Variants in PBX1 observed in about 807,000 individuals in gnomAD.
PBX1 encodes pre-B-cell leukemia transcription factor 1.
In PBX1, 6 loss-of-function variants were observed where a neutral mutation model predicts 53.4. That is an observed-to-expected ratio of 0.11 (90% confidence interval 0.06 to 0.22). The LOEUF (loss-of-function observed/expected upper bound fraction) is 0.22, where lower values mean the gene tolerates loss of function less well. Among genes scored for constraint, PBX1 ranks in the 10% least tolerant of loss-of-function variants. The pLI, the probability that PBX1 is intolerant of heterozygous loss-of-function variation, is 1.00. For missense variants in PBX1, 251 were observed against 551.4 expected, an observed-to-expected ratio of 0.46 and a Z score of 5.46; for synonymous variants, 204 against 212.3, an observed-to-expected ratio of 0.96 and a Z score of 0.34.
At chr1:164,594,707 A>G (rs1655640269) in intron 2 of PBX1, among the ~76,000 whole-genome samples, 1 of 152,278 alleles carries the variant, frequency 6.6e-6, no homozygotes, top group Non-Finnish European at 1.5e-5. Flanking sequence ...TACTATTTCA[A>G]CATGTAATCA....
At chr1:164,724,670 A>ATTTTTTTTTTTTTTT (rs59042806) in intron 2 of PBX1, among the ~76,000 whole-genome samples, 5 of 48,238 alleles carry the variant, frequency 1.0e-4, no homozygotes, top group East Asian at 5.2e-4. Flanking sequence ...ATAGCTGCAG[A>ATTTTTTTTTTTTTTT]TTTTTTTTTT....
At chr1:164,818,206 A>G (rs1411652233) in intron 6 of PBX1, 1 of 152,238 alleles carries the variant, frequency 6.6e-6, no homozygotes, top group Non-Finnish European at 1.5e-5. Context: ...ATATATCTAC[A>G]CGTGAGAATG....
At chr1:164,843,403 A>AG (rs893849261) in intron 8 of PBX1, among the ~76,000 whole-genome samples, 1 of 152,114 alleles carries the variant, frequency 6.6e-6, no homozygotes, top group African/African-American at 2.4e-5. Flanking sequence ...GGTGGCCAAA[A>AG]GTCTCATTTT....
chr1:164,713,933 T>TTCAAA (rs1663939765), intron 2 of PBX1, among the ~76,000 whole-genome samples: 5 of 152,190 alleles, frequency 3.3e-5, no homozygotes, highest in African/African-American at 1.2e-4. Flanking sequence ...CCATTTCTTC[T>TTCAAA]GTCATTTAGA....
chr1:164,659,966 C>G (rs1660386122), intron 2 of PBX1, among the ~76,000 whole-genome samples: 1 of 152,204 alleles, frequency 6.6e-6, no homozygotes, highest in Non-Finnish European at 1.5e-5. Context: ...CTGAGAGGCA[C>G]TGCCTATCTG....
intron 2 of PBX1, chr1:164,626,238 G>A (rs748217427): frequency 9.7e-6 from 4 of 411,248 alleles, no homozygotes; most frequent in Non-Finnish European, 1.3e-5. Flanking sequence ...GCAGAAATAC[G>A]GTATTTGGAA....
intron 2 of PBX1, among the ~76,000 whole-genome samples, chr1:164,662,157 C>A (rs889991365): frequency 1.3e-5 from 2 of 152,086 alleles, no homozygotes; most frequent in African/African-American, 4.8e-5. Context: ...AAATCCCTGT[C>A]TCTACTAAAA....
At chr1:164,771,233 C>T (rs1469323639) in intron 2 of PBX1, 2 of 151,998 alleles carry the variant, frequency 1.3e-5, no homozygotes, top group Non-Finnish European at 2.9e-5. Context: ...AGTTTTCTTG[C>T]AACAAAATGA....
At chr1:164,700,114 G>GCACC (rs1663032036) in intron 2 of PBX1, among the ~76,000 whole-genome samples, 2 of 152,224 alleles carry the variant, frequency 1.3e-5, no homozygotes, top group Non-Finnish European at 2.9e-5. Flanking sequence ...TACAGGGTGT[G>GCACC]CTTAACCCTT....
In PBX1 at chr1:164,784,031, T is replaced by A. The variant is rs144534335; in HGVS notation, c.266-8463T>A. ...CAAGTTGCCGACCAATGGCTCCACA[T>A]TTTTCATGCTTTTTATGTGTAACTA... On this transcript the variant is annotated intron_variant, in intron 2 of 8. Coordinates refer to ENST00000420696, the MANE Select transcript of PBX1 (RefSeq NM_002585.4). 2.6e-5 allele frequency among the ~76,000 whole-genome samples: 4 copies of A among 152,334 alleles called. No individual in the cohort carries two copies. In the East Asian group the frequency reaches 7.7e-4, roughly 29 times the overall value.
downstream of PBX1, among the ~76,000 whole-genome samples, chr1:164,853,182 G>A (rs1433887526): frequency 3.9e-5 from 6 of 152,200 alleles, no homozygotes; most frequent in Non-Finnish European, 5.9e-5. Flanking sequence ...GCCCACAGAA[G>A]GGAAAGGGTG....
rs116287494 is a variant in PBX1, at chr1:164,871,722, A to G, written n.258-27466A>G. On this transcript the variant is annotated intron_variant and non_coding_transcript_variant, in intron 2 of 2. Transcript: ENST00000558796. ...CTGTGAGGATAACTTGTACCCAAAG[A>G]GTGGTGAAGGTGGCCAAAGAACCTT... Among the ~76,000 whole-genome samples the G allele has an allele frequency of 5.2e-3, 798 of 152,238 alleles. 5 individuals carry two copies. Among genetic ancestry groups the G allele is most frequent in the African/African-American group, 0.018 (763 of 41,542 alleles).
At chr1:164,709,835 T>C (rs1387636165) in intron 2 of PBX1, among the ~76,000 whole-genome samples, 1 of 152,226 alleles carries the variant, frequency 6.6e-6, no homozygotes, top group Admixed American at 6.5e-5. Flanking sequence ...AATTTTCACT[T>C]GACAGTGAAA....
chr1:164,562,908 T>G (rs1653165204), intron 1 of PBX1: 1 of 164,578 alleles, frequency 6.1e-6, no homozygotes, highest in Non-Finnish European at 1.3e-5. Flanking sequence ...GGCTTTGCTG[T>G]GTTCATTGTC....
chr1:164,794,257 G>A (rs1160123040), intron 3 of PBX1, among the ~76,000 whole-genome samples: 3 of 151,996 alleles, frequency 2.0e-5, no homozygotes, highest in Admixed American at 6.6e-5. Flanking sequence ...TAACTATCTA[G>A]GTAGAAGGCA....
At chr1:164,650,466 T>C (rs1043209276) in intron 2 of PBX1, among the ~76,000 whole-genome samples, 2 of 152,000 alleles carry the variant, frequency 1.3e-5, no homozygotes, top group Non-Finnish European at 2.9e-5. Flanking sequence ...TGACAAGTGA[T>C]CCGCCCGCCT....
At chr1:164,566,648 A>G (rs1459665666) in intron 2 of PBX1, among the ~76,000 whole-genome samples, 1 of 152,162 alleles carries the variant, frequency 6.6e-6, no homozygotes, top group Non-Finnish European at 1.5e-5. Context: ...AGCATATTAC[A>G]TTTCTTTAAA....
rs1553244687 is a variant in PBX1 at position 164,776,978 on chromosome 1, A to AGAGAGG, written c.266-15515_266-15514insAGAGGG. Among the ~76,000 whole-genome samples the AGAGAGG allele has an allele frequency of 1.3e-4, 6 of 46,480 alleles. No individual in the cohort carries two copies. The East Asian group carries it at 2.8e-3, about 22-fold the overall frequency. The allele number at this position is 46,480 out of a possible 152,430, so 30.5% of individuals were successfully genotyped here. A position where few individuals can be genotyped will look rare whatever the true frequency, so the allele number is the denominator to read the frequency against. ...GAGAGAGAGAGAGAGAGAGAGAGAG[A>AGAGAGG]GGAGGTGTGGGGGGGCGGGGGGCTG... On this transcript the variant is annotated intron_variant, in intron 2 of 8. Transcript: ENST00000420696.
chr1:164,755,035 A>G (rs1334509914), intron 2 of PBX1, among the ~76,000 whole-genome samples: 1 of 152,074 alleles, frequency 6.6e-6, no homozygotes, highest in African/African-American at 2.4e-5. Flanking sequence ...TCTGCACACA[A>G]CTCCTCTCTC....
Sources: gnomAD v4.1 joint callset for allele counts (sites outside exome capture counted in the v4.1 genomes callset) on GRCh38, gnomAD v4.1.1 for gene constraint, MANE v1.5 for transcripts, NCBI Gene and HGNC (gene_info 2026-07-23, HGNC 2026-07-21) for gene names.